Variants in SLAIN2 observed in about 807,000 individuals in gnomAD.
The protein encoded by SLAIN2 is SLAIN family member 2, also known as SLAIN motif-containing protein 2.
Under a neutral mutation model 56.6 loss-of-function variants are expected in SLAIN2, and 31 were observed. The observed-to-expected ratio is 0.55, with a 90% CI of 0.41 to 0.74. The LOEUF (loss-of-function observed/expected upper bound fraction) is 0.74, where lower values mean the gene tolerates loss of function less well. Among genes scored for constraint, SLAIN2 ranks in the 30% least tolerant of loss-of-function variants. The pLI, the probability that SLAIN2 is intolerant of heterozygous loss-of-function variation, is 0.00. For missense variants in SLAIN2, 777 were observed against 754.2 expected, an observed-to-expected ratio of 1.03 and a Z score of -0.35; for synonymous variants, 317 against 284.9, an observed-to-expected ratio of 1.11 and a Z score of -1.13.
chr4:48,396,857 T>C (rs1380839378), intron 6 of SLAIN2, among the ~76,000 whole-genome samples: 1 of 152,204 alleles, frequency 6.6e-6, no homozygotes, highest in Non-Finnish European at 1.5e-5. Flanking sequence ...AGCAGGTGTT[T>C]GAAAATGGAA....
Position 48,422,702 on chromosome 4 carries a change from A to G in SLAIN2, c.*625A>G, listed in dbSNP as rs1717190982. On this transcript the variant is annotated 3_prime_UTR_variant, in exon 8 of 8. Coordinates refer to ENST00000264313, the MANE Select transcript of SLAIN2 (RefSeq NM_020846.2). Reference sequence around the variant, plus strand: ...ATTAGAAAAGAAAAATTGTCATTTAATCTTAAGTTTTGGATGTAGCTCACA... The same window carrying G: ...ATTAGAAAAGAAAAATTGTCATTTAGTCTTAAGTTTTGGATGTAGCTCACA... 6.6e-6 allele frequency: 1 copy of G among 152,320 alleles called. No homozygotes were observed. The highest frequency in any genetic ancestry group is 2.1e-4 in the South Asian group (1 of 4,836). 9.4% of individuals were successfully genotyped at this position (152,320 alleles called of 1,614,324 possible). A position where few individuals can be genotyped will look rare whatever the true frequency, so the allele number is the denominator to read the frequency against.
chr4:48,348,138 A>G (rs1015061741), intron 1 of SLAIN2, among the ~76,000 whole-genome samples: 9 of 152,232 alleles, frequency 5.9e-5, no homozygotes, highest in Admixed American at 3.9e-4. Flanking sequence ...TATTACTTAT[A>G]TAACTAACTG....
intron 6 of SLAIN2, among the ~76,000 whole-genome samples, chr4:48,399,866 G>T (rs935052410): frequency 1.3e-5 from 2 of 152,068 alleles, no homozygotes; most frequent in African/African-American, 4.8e-5. Context: ...CTGGATCTTG[G>T]TGGATAAGCT....
At chr4:48,401,194 A>G (rs1371440161) in intron 6 of SLAIN2, among the ~76,000 whole-genome samples, 3 of 151,618 alleles carry the variant, frequency 2.0e-5, no homozygotes, top group Admixed American at 1.3e-4. Flanking sequence ...GCTGAGGACT[A>G]TTACATGATC....
In SLAIN2 at chr4:48,401,274, G is replaced by C. The variant is rs547228093; in HGVS notation, c.1360+17490G>C. Among the ~76,000 whole-genome samples, 7 of 152,276 alleles carry C rather than the reference G, an allele frequency of 4.6e-5. No individual in the cohort carries two copies. The East Asian group carries it at 1.3e-3, about 29-fold the overall frequency. On this transcript the variant is annotated intron_variant, in intron 6 of 7. Coordinates refer to ENST00000264313, the MANE Select transcript of SLAIN2 (RefSeq NM_020846.2). ...CTGTTGTTTTTGTTTGGGGAGTTTT[G>C]TAGACATCTATCAGGTCCACTTAAT...
intron 6 of SLAIN2, among the ~76,000 whole-genome samples, chr4:48,406,528 T>C (rs1389655323): frequency 6.4e-4 from 18 of 28,262 alleles, no homozygotes; most frequent in African/African-American, 1.3e-3. Context: ...TCTCTCTCTT[T>C]TTTTTTTTTT....
intron 1 of SLAIN2, among the ~76,000 whole-genome samples, chr4:48,351,593 C>G (rs910250785): frequency 6.6e-6 from 1 of 152,086 alleles, no homozygotes; most frequent in East Asian, 1.9e-4. Flanking sequence ...TGAGCAGGCA[C>G]GGTAAGTCTT....
At chr4:48,419,412 T>A (rs1484350021) in intron 6 of SLAIN2, among the ~76,000 whole-genome samples, 1 of 152,130 alleles carries the variant, frequency 6.6e-6, no homozygotes, top group African/African-American at 2.4e-5. Flanking sequence ...TCTTCTTTTT[T>A]CTTTTTGAAG....
At chr4:48,364,717 C>G (rs1715460618) in intron 1 of SLAIN2, among the ~76,000 whole-genome samples, 1 of 134,534 alleles carries the variant, frequency 7.4e-6, no homozygotes, top group African/African-American at 2.7e-5. Context: ...CCACCAAAAC[C>G]AGTCAGGCGT....
chr4:48,410,522 C>T (rs189532206), intron 6 of SLAIN2, among the ~76,000 whole-genome samples: 22 of 152,258 alleles, frequency 1.4e-4, no homozygotes, highest in Admixed American at 1.4e-3. Context: ...GTCATTACTC[C>T]TGTTCCTTCT....
rs2109752752 is a variant in SLAIN2 at position 48,369,928 on chromosome 4, G to T, written c.469G>T (p.Asp157Tyr). The T allele has an allele frequency of 6.2e-7, 1 of 1,613,712 alleles. No individual in the cohort carries two copies. Among genetic ancestry groups the T allele is most frequent in the Non-Finnish European group, 8.5e-7 (1 of 1,179,722 alleles). Reference sequence around the variant, plus strand: ...ATTAGTTTGGTGCAGGCAAGTTTTGGATTACCCAAGTCCTGATGTTGAGTG... The same window carrying T: ...ATTAGTTTGGTGCAGGCAAGTTTTGTATTACCCAAGTCCTGATGTTGAGTG... ...SPLVWCRQVL[D>Y]YPSPDVECAK... The change falls in exon 2 of 8, where the codon GAT (aspartate) becomes TAT (tyrosine). Residue 157 changes from aspartate (D) to tyrosine (Y), a missense_variant. Asp to Tyr is a radical substitution (Grantham distance 160, BLOSUM62 -3). Coordinates refer to ENST00000264313, the MANE Select transcript of SLAIN2 (RefSeq NM_020846.2).
intron 6 of SLAIN2, among the ~76,000 whole-genome samples, chr4:48,416,767 G>A (rs1209538563): frequency 8.3e-5 from 12 of 144,336 alleles, no homozygotes; most frequent in Admixed American, 5.6e-4. Flanking sequence ...GGTACATAAC[G>A]AAATGAAGGC....
intron 1 of SLAIN2, among the ~76,000 whole-genome samples, chr4:48,350,712 T>G (rs1714989651): frequency 6.6e-6 from 1 of 152,206 alleles, no homozygotes; most frequent in Non-Finnish European, 1.5e-5. Flanking sequence ...TGAACAACTT[T>G]AGGACAAACT....
At chr4:48,348,224 AGC>A (rs1714921409) in intron 1 of SLAIN2, among the ~76,000 whole-genome samples, 1 of 152,074 alleles carries the variant, frequency 6.6e-6, no homozygotes, top group Admixed American at 6.5e-5. Context: ...TTTTTAATAG[AGC>A]TGTTTTTGGA....
chr4:48,379,548 A>G, intron 3 of SLAIN2, 142 bp from the exon 4 acceptor site: 1 of 682,382 alleles, frequency 1.5e-6, no homozygotes, highest in Non-Finnish European at 2.1e-6. Context: ...GTCAATTTCT[A>G]ATTTCAGGGA....
At position 48,374,122 on chromosome 4, in the gene SLAIN2, C is replaced by G. The variant is rs529352297; in HGVS notation, c.539-3774C>G. Among the ~76,000 whole-genome samples the G allele has an allele frequency of 3.9e-5, 6 of 152,056 alleles. No individual in the cohort carries two copies. In the East Asian group the frequency reaches 1.2e-3, roughly 29 times the overall value. On this transcript the variant is annotated intron_variant, in intron 2 of 7. Transcript: ENST00000264313. ...CATGTGGGATGAAGCATGACATATA[C>G]GAAGAAGTTGCTGGAGAAGAGTAAG... is the stretch of plus-strand genomic sequence containing the variant.
chr4:48,348,042 T>G (rs1224823470), intron 1 of SLAIN2, among the ~76,000 whole-genome samples: 2 of 152,218 alleles, frequency 1.3e-5, no homozygotes, highest in Admixed American at 1.3e-4. Flanking sequence ...TCTGATGAAG[T>G]ACGATTGATC....
chr4:48,405,961 A>G (rs1716681870), intron 6 of SLAIN2, among the ~76,000 whole-genome samples: 1 of 152,196 alleles, frequency 6.6e-6, no homozygotes, highest in African/African-American at 2.4e-5. Context: ...GAAATTACAG[A>G]TTTAAACGTA....
At chr4:48,352,856 C>T (rs1715046663) in intron 1 of SLAIN2, among the ~76,000 whole-genome samples, 1 of 152,128 alleles carries the variant, frequency 6.6e-6, no homozygotes, top group Non-Finnish European at 1.5e-5. Context: ...TCCCATAAGC[C>T]CCACGTGTTG....
Sources: allele counts gnomAD v4.1 joint callset (sites outside exome capture counted in the v4.1 genomes callset), GRCh38; gene constraint gnomAD v4.1.1; transcripts MANE v1.5; gene names NCBI Gene and HGNC (gene_info 2026-07-23, HGNC 2026-07-21).